FAM20B: variants seen among roughly 807,000 people sequenced by gnomAD.
FAM20B encodes glycosaminoglycan xylosylkinase.
FAM20B carries 23 observed loss-of-function variants against 43.8 expected under a neutral mutation model. The observed-to-expected ratio is 0.53, with a 90% confidence interval of 0.38 to 0.74. The LOEUF (loss-of-function observed/expected upper bound fraction) is 0.74. Among genes scored for constraint, FAM20B ranks in the 30% least tolerant of loss-of-function variants. FAM20B has a pLI of 0.00. For missense variants in FAM20B, 440 were observed against 510.5 expected, an observed-to-expected ratio of 0.86 and a Z score of 1.33; for synonymous variants, 178 against 192.4, an observed-to-expected ratio of 0.93 and a Z score of 0.62.
chr1:179,036,299 T>C (rs1650222965), intron 1 of FAM20B, among the ~76,000 whole-genome samples: 1 of 152,226 alleles, frequency 6.6e-6, no homozygotes, highest in Non-Finnish European at 1.5e-5. Context: ...TATTTACAGA[T>C]ATGCCATTTG....
intron 6 of FAM20B, among the ~76,000 whole-genome samples, chr1:179,065,923 T>C (rs1341028769): frequency 6.6e-6 from 1 of 152,182 alleles, no homozygotes; most frequent in African/African-American, 2.4e-5. Flanking sequence ...GCCTTCTATG[T>C]GTCCTCATAT....
Position 179,043,928 on chromosome 1 carries a change from C to G in FAM20B, c.81C>G (p.Asn27Lys), listed in dbSNP as rs370513530. Residue 27 changes from asparagine (N) to lysine (K), a missense_variant, in exon 2 of 8, where the codon AAC (asparagine) becomes AAG (lysine). Asn to Lys is a moderately conservative substitution (Grantham distance 94, BLOSUM62 0). Transcript: ENST00000263733. ...FIFTKVFLID[N>K]LDTSAANRED... ...TCACCAAAGTTTTCCTGATTGACAACTTAGATACATCAGCTGCCAACCGGG... is the reference window on the plus strand; with the variant it reads ...TCACCAAAGTTTTCCTGATTGACAAGTTAGATACATCAGCTGCCAACCGGG... 6.2e-7 allele frequency: 1 copy of G among 1,613,888 alleles called. No individual in the cohort carries two copies. The highest frequency in any genetic ancestry group is 2.2e-5 in the East Asian group (1 of 44,864).
At position 179,054,566 on chromosome 1, in the gene FAM20B, A is replaced by G; in HGVS notation, c.502A>G (p.Arg168Gly). ...GFHRAPLVVG[R>G]FVNLRTEIKP... The stretch of plus-strand genomic sequence containing the variant: ...CCACCGAGCCCCCTTGGTAGTTGGC[A>G]GATTTGTTAATCTTCGGACAGAGAT... The change falls in exon 4 of 8, where the codon AGA becomes GGA. Residue 168 changes from arginine (R) to glycine (G), a missense_variant. Transcript: ENST00000263733. The G allele has an allele frequency of 6.2e-7, 1 of 1,613,430 alleles. No homozygotes were observed. The highest frequency in any genetic ancestry group is 1.1e-5 in the South Asian group (1 of 91,022).
intron 2 of FAM20B, among the ~76,000 whole-genome samples, chr1:179,049,192 T>G (rs990273717): frequency 6.6e-6 from 1 of 152,200 alleles, no homozygotes; most frequent in Non-Finnish European, 1.5e-5. Flanking sequence ...GTCATACATG[T>G]GATAGAAAAT....
intron 1 of FAM20B, among the ~76,000 whole-genome samples, chr1:179,026,907 G>A (rs1291973676): frequency 1.3e-5 from 2 of 152,244 alleles, no homozygotes; most frequent in Non-Finnish European, 2.9e-5. Flanking sequence ...AGAAGGGGTA[G>A]AAGGATGGAT....
rs546254281 is a variant in FAM20B at position 179,040,001 on chromosome 1, T to C, written c.-133-3714T>C. On this transcript the variant is annotated intron_variant, in intron 1 of 7. Transcript: ENST00000263733. ...CATCTTGCACCGCCCTTAATCCATT[T>C]AACCCTGAGTGGACACAGCACATGT... is the stretch of plus-strand genomic sequence containing the variant. 1.2e-4 allele frequency among the ~76,000 whole-genome samples: 19 copies of C among 152,324 alleles called. No individual in the cohort carries two copies. In the South Asian group the frequency reaches 3.1e-3, roughly 25 times the overall value.
chr1:179,064,023 G>A lies in FAM20B; in HGVS notation c.671G>A (p.Trp224Ter), dbSNP rs781060774. ...GDIMEGSVTL[W>*]LPDVWPLQKH... ...ATAATGGAGGGATCTGTCACACTTT[G>A]GCTTCCAGATGTGTGGCCTCTGCAG... Residue 224 changes from tryptophan to a stop codon, truncating the protein, a stop_gained, in exon 5 of 8, where the codon TGG becomes TAG. Transcript: ENST00000263733. LOFTEE classifies it high-confidence loss of function. 6.2e-7 allele frequency: 1 copy of A among 1,613,782 alleles called. No individual in the cohort carries two copies.
chr1:179,071,876 A>G (rs3820163), intron 7 of FAM20B, 37 bp from the exon 8 acceptor site: 915,603 of 1,421,132 alleles, frequency 0.64, 299,138 homozygotes, highest in African/African-American at 0.89. Context: ...GATAATGAGA[A>G]GTTTTATGTA....
At chr1:179,062,014 C>CT (rs72100571) in intron 4 of FAM20B, among the ~76,000 whole-genome samples, 13,672 of 146,534 alleles carry the variant, frequency 0.093, 1,131 homozygotes, top group African/African-American at 0.23. Flanking sequence ...ACCCTAGTTC[C>CT]TTTTTTTTTT....
intron 2 of FAM20B, among the ~76,000 whole-genome samples, chr1:179,045,050 C>A (rs1370448990): frequency 6.6e-6 from 1 of 152,176 alleles, no homozygotes; most frequent in Non-Finnish European, 1.5e-5. Flanking sequence ...ATTTTAGTTA[C>A]CTTAGTTAAC....
chr1:179,055,214 G>C (rs1651161338), intron 4 of FAM20B, among the ~76,000 whole-genome samples: 1 of 152,174 alleles, frequency 6.6e-6, no homozygotes, highest in Non-Finnish European at 1.5e-5. Flanking sequence ...TCTTAACTCT[G>C]AGGTAAGAGA....
intron 4 of FAM20B, among the ~76,000 whole-genome samples, chr1:179,056,132 A>G (rs1197617806): frequency 6.6e-6 from 1 of 152,204 alleles, no homozygotes; most frequent in Non-Finnish European, 1.5e-5. Flanking sequence ...CCACACTGAC[A>G]CATCATAATC....
chr1:179,058,794 G>A (rs1378991943), intron 4 of FAM20B, among the ~76,000 whole-genome samples: 1 of 152,138 alleles, frequency 6.6e-6, no homozygotes, highest in African/African-American at 2.4e-5. Context: ...AGCAGGGACA[G>A]GGAATAGAAA....
rs893375738 is a variant in FAM20B, at chr1:179,075,057, T to G, written c.*2913T>G. 2.0e-5 allele frequency: 3 copies of G among 151,950 alleles called. No homozygotes were observed. Among genetic ancestry groups the G allele is most frequent in the African/African-American group, 7.3e-5 (3 of 41,362 alleles). The allele number at this position is 151,950 out of a possible 1,614,324, so 9.4% of individuals were successfully genotyped here. A position where few individuals can be genotyped will look rare whatever the true frequency, so the allele number is the denominator to read the frequency against. The stretch of plus-strand genomic sequence containing the variant: ...AAATGCAAAAATTAACAGGGCACGG[T>G]GGCATGCGCCTGTAGTCCCAGCTAC... On this transcript the variant is annotated 3_prime_UTR_variant, in exon 8 of 8. Transcript: ENST00000263733.
Position 179,072,069 on chromosome 1 carries a change from C to T in FAM20B, c.1155C>T (p.Thr385=), listed in dbSNP as rs370601350. The change falls in exon 8 of 8, where the codon ACC becomes ACT. Residue 385 remains threonine (T), a synonymous_variant. Transcript: ENST00000263733. The part of the protein sequence containing the change: ...VDQRLLSVLA[T]VKQCTDQFGM... ...AGCGGCTCCTGAGTGTCCTGGCCAC[C>T]GTGAAGCAGTGCACCGACCAGTTTG... The T allele has an allele frequency of 2.7e-5, 43 of 1,614,104 alleles. No homozygotes were observed. The African/African-American group carries it at 2.8e-4, about 11-fold the overall frequency.
chr1:179,041,635 ACCGTG>A (rs1650540892), intron 1 of FAM20B, among the ~76,000 whole-genome samples: 1 of 118,416 alleles, frequency 8.4e-6, no homozygotes, highest in African/African-American at 4.0e-5. Flanking sequence ...GGAGAGGGAG[ACCGTG>A]GGGAGACGGG....
upstream of FAM20B, among the ~76,000 whole-genome samples, chr1:179,021,871 A>G (rs1649609723): frequency 6.6e-6 from 1 of 152,236 alleles, no homozygotes; most frequent in Admixed American, 6.5e-5. Context: ...TGTGGTATGT[A>G]TATCTCAATA....
intron 4 of FAM20B, among the ~76,000 whole-genome samples, chr1:179,059,723 G>A (rs1309792700): frequency 1.3e-5 from 2 of 152,140 alleles, no homozygotes; most frequent in Non-Finnish European, 2.9e-5. Context: ...TGTAACCCCA[G>A]TACTTTGGGA....
At chr1:179,057,164 G>A (rs1651255833) in intron 4 of FAM20B, among the ~76,000 whole-genome samples, 1 of 152,114 alleles carries the variant, frequency 6.6e-6, no homozygotes, top group Non-Finnish European at 1.5e-5. Flanking sequence ...GGCCAATATG[G>A]TGAAACCCTG....
Sources: gnomAD v4.1 joint callset for allele counts (sites outside exome capture counted in the v4.1 genomes callset) on GRCh38, gnomAD v4.1.1 for gene constraint, MANE v1.5 for transcripts, NCBI Gene and HGNC (gene_info 2026-07-23, HGNC 2026-07-21) for gene names.